IL15RA: variants seen among roughly 807,000 people sequenced by gnomAD.
IL15RA encodes the protein interleukin 15 receptor subunit alpha.
A neutral mutation model predicts 24.2 loss-of-function variants in IL15RA; 26 were observed. The observed-to-expected ratio is 1.07, with a 90% CI of 0.79 to 1.49. The LOEUF is 1.49. Ranked by LOEUF, IL15RA falls within the 40% of genes most tolerant of loss-of-function variation. The pLI, the probability that IL15RA is intolerant of heterozygous loss-of-function variation, is 0.00. For synonymous variants in IL15RA, 166 were observed against 157.6 expected (o/e 1.05, Z -0.40); for missense variants, 354 against 356.4 (o/e 0.99, Z 0.05).
rs1564507126 is a variant in IL15RA, at chr10:5,966,083, C to G, written c.283+62G>C. 2.5e-6 allele frequency: 3 copies of G among 1,199,068 alleles called. No homozygotes were observed. The highest frequency in any genetic ancestry group is 3.7e-6 in the Non-Finnish European group (3 of 819,886). The allele number at this position is 1,199,068 out of a possible 1,614,324, so 74.3% of individuals were successfully genotyped here. ...CCCTTGACCCCTGAGATGGGGTCTT[C>G]TCTCTGTGCAGCCTTGGCAGGGTGG... On this transcript the variant is annotated intron_variant, in intron 2 of 6. Coordinates refer to ENST00000379977, the MANE Select transcript of IL15RA (RefSeq NM_002189.4). This position sits in a 1 kb window ranked among gnomAD's most constrained non-coding sequence, Gnocchi z 6.4.
chr10:5,977,755 C>T (rs963241370), upstream of IL15RA: 3 of 818,022 alleles, frequency 3.7e-6, no homozygotes, highest in East Asian at 1.0e-4. Flanking sequence ...GGGCCGTGCC[C>T]GGTGGGGACC....
In IL15RA at chr10:5,965,838, A is replaced by G. The variant is rs1250622831; in HGVS notation, c.283+307T>C. Among the ~76,000 whole-genome samples, 5 of 152,054 alleles carry G rather than the reference A, an allele frequency of 3.3e-5. No individual in the cohort carries two copies. Among genetic ancestry groups the G allele is most frequent in the Non-Finnish European group, 7.3e-5 (5 of 68,028 alleles). ...CGGGTTCAAGCAATTCTCCTGCCTC[A>G]ACCTCCCAAGTAGCTGGGATTACAG... On this transcript the variant is annotated intron_variant, in intron 2 of 6. Coordinates refer to ENST00000379977, the MANE Select transcript of IL15RA (RefSeq NM_002189.4). The surrounding 1 kb of genome is among the most constrained non-coding windows in gnomAD (Gnocchi z 5.8).
Position 5,962,122 on chromosome 10 carries a change from T to G in IL15RA, c.383-1555A>C, listed in dbSNP as rs1167088031. Among the ~76,000 whole-genome samples, 1 of 152,188 alleles carries G rather than the reference T, an allele frequency of 6.6e-6. No homozygotes were observed. Among genetic ancestry groups the G allele is most frequent in the Non-Finnish European group, 1.5e-5 (1 of 68,026 alleles). ...GCTGGGAGAGCCTACTTGATCATTC[T>G]CCTCCTTGGGTGAACCAGGTGTGAC... On this transcript the variant is annotated intron_variant, in intron 3 of 6. Coordinates refer to ENST00000379977, the MANE Select transcript of IL15RA (RefSeq NM_002189.4). This position sits in a 1 kb window ranked among gnomAD's most constrained non-coding sequence, Gnocchi z 5.2.
rs535014401 is a variant in IL15RA at position 5,975,076 on chromosome 10, C to A, written c.88+2329G>T. ...TATAACACAGCCACTCTACTCCCAACCATTCTCTACCCATGAGAAATGAAA... is the reference window on the plus strand; with the variant it reads ...TATAACACAGCCACTCTACTCCCAAACATTCTCTACCCATGAGAAATGAAA... On this transcript the variant is annotated intron_variant, in intron 1 of 6. Coordinates refer to ENST00000379977, the MANE Select transcript of IL15RA (RefSeq NM_002189.4). This position sits in a 1 kb window ranked among gnomAD's most constrained non-coding sequence, Gnocchi z 4.8. Among the ~76,000 whole-genome samples the A allele has an allele frequency of 6.6e-6, 1 of 151,654 alleles. No homozygotes were observed. Among genetic ancestry groups the A allele is most frequent in the African/African-American group, 2.4e-5 (1 of 41,326 alleles).
rs528111857 is a variant in IL15RA, at chr10:5,964,104, C to A, written c.284-263G>T. On this transcript the variant is annotated intron_variant, in intron 2 of 6. Transcript: ENST00000379977. The surrounding 1 kb of genome is among the most constrained non-coding windows in gnomAD (Gnocchi z 5.6). ...TTGGCTGAGATTATATTAATGATAT[C>A]AATTCAATTTTATAATGCTGGTTAT... 9.2e-5 allele frequency among the ~76,000 whole-genome samples: 14 copies of A among 152,162 alleles called. No homozygotes were observed. The highest frequency in any genetic ancestry group is 3.4e-4 in the African/African-American group (14 of 41,434).
chr10:5,966,334 T>A lies in IL15RA; in HGVS notation c.94A>T (p.Thr32Ser), dbSNP rs141286489. The change falls in exon 2 of 7, where the codon ACG (threonine) becomes TCG (serine). Residue 32 changes from threonine to serine, a missense_variant. Transcript: ENST00000379977. The surrounding 1 kb of genome is among the most constrained non-coding windows in gnomAD (Gnocchi z 6.4). ...LLRPPATRGI[T>S]CPPPMSVEHA... ...TCCACGGACATGGGGGGAGGGCACGTGATGCCTGCGAAAGTGCAGAGGACA... is the reference window on the plus strand; with the variant it reads ...TCCACGGACATGGGGGGAGGGCACGAGATGCCTGCGAAAGTGCAGAGGACA... 1.0e-5 allele frequency: 16 copies of A among 1,605,696 alleles called. No homozygotes were observed. The highest frequency in any genetic ancestry group is 1.0e-5 in the Non-Finnish European group (12 of 1,172,880).
chr10:5,969,374 TTAA>T, intron 1 of IL15RA, among the ~76,000 whole-genome samples: 1 of 145,722 alleles, frequency 6.9e-6, no homozygotes, highest in East Asian at 2.0e-4. Flanking sequence ...TTAAATTAAA[TTAA>T]ATTAAATTTT....
Position 5,971,773 on chromosome 10 carries a change from C to T in IL15RA, c.89-5434G>A, listed in dbSNP as rs1837653816. 6.6e-6 allele frequency among the ~76,000 whole-genome samples: 1 copy of T among 152,190 alleles called. No individual in the cohort carries two copies. The highest frequency in any genetic ancestry group is 2.4e-5 in the African/African-American group (1 of 41,444). ...AGTCAACACACTTCCTTTTGGAGTT[C>T]CCAAAAAGTACAGACTGTCTCCAGC... On this transcript the variant is annotated intron_variant, in intron 1 of 6. Transcript: ENST00000379977. This position sits in a 1 kb window ranked among gnomAD's most constrained non-coding sequence, Gnocchi z 5.5.
rs530970863 is a variant in IL15RA at position 5,960,444 on chromosome 10, T to C, written c.506A>G (p.Glu169Gly). Residue 169 changes from glutamate to glycine, a missense_variant, in exon 4 of 7, where the codon GAG (glutamate) becomes GGG (glycine). Coordinates refer to ENST00000379977, the MANE Select transcript of IL15RA (RefSeq NM_002189.4). This position sits in a 1 kb window ranked among gnomAD's most constrained non-coding sequence, Gnocchi z 5.1. ...STGTTEISSH[E>G]SSHGTPSQTT... ...CTGAGAGGGGGTGCCGTGGGAGGACTCATGACTGCTTATCTCTGTGGTTCC... is the reference window on the plus strand; with the variant it reads ...CTGAGAGGGGGTGCCGTGGGAGGACCCATGACTGCTTATCTCTGTGGTTCC... 5.2e-5 allele frequency: 84 copies of C among 1,614,062 alleles called. No individual in the cohort carries two copies. Among genetic ancestry groups the C allele is most frequent in the African/African-American group, 1.9e-4 (14 of 75,032 alleles).
Position 5,952,856 on chromosome 10 carries a change from G to C in IL15RA, c.*239C>G. On this transcript the variant is annotated 3_prime_UTR_variant, in exon 7 of 7. Transcript: ENST00000379977. ...AGAAGCCTTTGGTCTCTCCTGGGAA[G>C]CTGGGCCCTGGGTCCAAGGCACGAC... 1.7e-6 allele frequency: 1 copy of C among 591,796 alleles called. No individual in the cohort carries two copies. Among genetic ancestry groups the C allele is most frequent in the Non-Finnish European group, 3.0e-6 (1 of 333,252 alleles). The allele number at this position is 591,796 out of a possible 1,614,324, so 36.7% of individuals were successfully genotyped here. A position where few individuals can be genotyped will look rare whatever the true frequency, so the allele number is the denominator to read the frequency against.
At position 5,968,852 on chromosome 10, in the gene IL15RA, G is replaced by A. The variant is rs769376212; in HGVS notation, c.89-2513C>T. On this transcript the variant is annotated intron_variant, in intron 1 of 6. Transcript: ENST00000379977. The surrounding 1 kb of genome is among the most constrained non-coding windows in gnomAD (Gnocchi z 5.4). ...TTGTCCTGAGTCTCACGCAGGCCTC[G>A]TGTGTCTGGACCTCATGGTTGAAGC... is the stretch of plus-strand genomic sequence containing the variant. 2.5e-5 allele frequency: 24 copies of A among 971,886 alleles called. No individual in the cohort carries two copies. Among genetic ancestry groups the A allele is most frequent in the South Asian group, 1.8e-4 (13 of 72,768 alleles). 60.2% of individuals were successfully genotyped at this position (971,886 alleles called of 1,614,324 possible).
At chr10:5,972,148 C>T (rs928350401) in intron 1 of IL15RA, among the ~76,000 whole-genome samples, 4 of 152,162 alleles carry the variant, frequency 2.6e-5, no homozygotes, top group African/African-American at 9.7e-5. Context: ...TCTTCACACT[C>T]TGAACAAGAG....
rs1835726106 is a variant in IL15RA, at chr10:5,962,357, T to TAAGG, written c.382+1382_382+1385dup. Among the ~76,000 whole-genome samples the TAAGG allele has an allele frequency of 6.6e-6, 1 of 152,092 alleles. No homozygotes were observed. Among genetic ancestry groups the TAAGG allele is most frequent in the Admixed American group, 6.6e-5 (1 of 15,264 alleles). On this transcript the variant is annotated intron_variant, in intron 3 of 6. Coordinates refer to ENST00000379977, the MANE Select transcript of IL15RA (RefSeq NM_002189.4). This position sits in a 1 kb window ranked among gnomAD's most constrained non-coding sequence, Gnocchi z 5.2. The stretch of plus-strand genomic sequence containing the variant: ...CTGTAATCCCAGCACTTTGGGAGAC[T>TAAGG]AAGGCTTGCGGATCACCTGAGGTCA...
At chr10:5,957,387 T>C (rs1351502458) in intron 5 of IL15RA, among the ~76,000 whole-genome samples, 1 of 152,080 alleles carries the variant, frequency 6.6e-6, no homozygotes, top group East Asian at 1.9e-4. Context: ...GCAATTCTCC[T>C]GCCTCAGCCT....
chr10:5,960,225 G>T lies in IL15RA; in HGVS notation c.583+142C>A. 1 of 790,500 alleles carries T rather than the reference G, an allele frequency of 1.3e-6. No homozygotes were observed. 49.0% of individuals were successfully genotyped at this position (790,500 alleles called of 1,614,324 possible). ...AAAGAGGTCAGGCCAGGACGCCGTG[G>T]CTGGTGGCCGGGGCCAGCAGGCTGC... On this transcript the variant is annotated intron_variant, in intron 4 of 6. Transcript: ENST00000379977. This position sits in a 1 kb window ranked among gnomAD's most constrained non-coding sequence, Gnocchi z 5.1.
rs761627061 is a variant in IL15RA, at chr10:5,959,702, G to A, written c.616+52C>T. On this transcript the variant is annotated intron_variant, in intron 5 of 6. Transcript: ENST00000379977. The surrounding 1 kb of genome is among the most constrained non-coding windows in gnomAD (Gnocchi z 4.1). ...CTGGGCCAGGACCACCCAGCACCCT[G>A]GGACTGCGGTCACCCTGATCATAAA... 6.4e-7 allele frequency: 1 copy of A among 1,574,626 alleles called. No individual in the cohort carries two copies. Among genetic ancestry groups the A allele is most frequent in the African/African-American group, 1.4e-5 (1 of 74,068 alleles).
Position 5,975,762 on chromosome 10 carries a change from G to A in IL15RA, c.88+1643C>T, listed in dbSNP as rs904611365. On this transcript the variant is annotated intron_variant, in intron 1 of 6. Transcript: ENST00000379977. The surrounding 1 kb of genome is among the most constrained non-coding windows in gnomAD (Gnocchi z 4.8). ...CACAAAAGTTACTGGGCGTGGTGGC[G>A]ATCGCCTGTAATCCCAGCTACTCAG... 1.3e-5 allele frequency among the ~76,000 whole-genome samples: 2 copies of A among 152,148 alleles called. No homozygotes were observed. The highest frequency in any genetic ancestry group is 2.9e-5 in the Non-Finnish European group (2 of 67,984).
rs1037629021 is a variant in IL15RA, at chr10:5,958,105, G to A, written c.616+1649C>T. 3 of 246,534 alleles carry A rather than the reference G, an allele frequency of 1.2e-5. No homozygotes were observed. Among genetic ancestry groups the A allele is most frequent in the Admixed American group, 9.7e-5 (2 of 20,556 alleles). The allele number at this position is 246,534 out of a possible 1,614,324, so 15.3% of individuals were successfully genotyped here. A position where few individuals can be genotyped will look rare whatever the true frequency, so the allele number is the denominator to read the frequency against. ...AATGTAGCAATCACATGTCCAGATA[G>A]GGGGTTGGCTAAATTAATGGTAGGA... On this transcript the variant is annotated intron_variant, in intron 5 of 6. Transcript: ENST00000379977. The surrounding 1 kb of genome is among the most constrained non-coding windows in gnomAD (Gnocchi z 4.3).
At chr10:5,949,923 CTG>C (rs746594754), downstream of IL15RA, among the ~76,000 whole-genome samples, 103 of 152,040 alleles carry the variant, frequency 6.8e-4, no homozygotes, top group Non-Finnish European at 7.5e-4. This position sits in a 1 kb window ranked among gnomAD's most constrained non-coding sequence, Gnocchi z 4.4. Context: ...TGGTGAAACA[CTG>C]TCTCTGCCAA....
Sources: gnomAD v4.1 joint callset for allele counts (sites outside exome capture counted in the v4.1 genomes callset) on GRCh38, gnomAD v4.1.1 for gene constraint, Gnocchi (gnomAD v3.1) non-coding constraint, MANE v1.5 for transcripts, NCBI Gene and HGNC (gene_info 2026-07-23, HGNC 2026-07-21) for gene names.